Variants in DACH2 observed in about 807,000 individuals in gnomAD.
The protein encoded by DACH2 is dachshund homolog 2.
In DACH2, 17 loss-of-function variants were observed where a neutral mutation model predicts 35.8. That is an observed-to-expected ratio of 0.48 (90% CI 0.33 to 0.71). The LOEUF (loss-of-function observed/expected upper bound fraction) is 0.71. DACH2 is among the 30% of genes least tolerant of loss of function. The probability of loss-of-function intolerance (pLI) is 0.02; values close to 1 mark genes in which losing one functional copy is unlikely to be tolerated. For missense variants in DACH2, 469 were observed against 472.7 expected (o/e 0.99, Z 0.07); for synonymous variants, 195 against 177.3 (o/e 1.10, Z -0.79).
chrX:86,582,080 T>C (rs2039508398), intron 3 of DACH2, among the ~76,000 whole-genome samples: 2 of 111,797 alleles, frequency 1.8e-5, no homozygotes, highest in South Asian at 7.3e-4. Flanking sequence ...CATATTACAT[T>C]ACATTGAAAT....
chrX:86,655,046 CTG>C (rs1245706216), intron 4 of DACH2, among the ~76,000 whole-genome samples: 1 of 111,640 alleles, frequency 9.0e-6, no homozygotes, highest in East Asian at 2.8e-4. Context: ...AGACCAAAGA[CTG>C]GGCTTGATTT....
intron 3 of DACH2, among the ~76,000 whole-genome samples, chrX:86,565,318 G>A (rs1378479115): frequency 9.0e-6 from 1 of 111,186 alleles, no homozygotes; most frequent in African/African-American, 3.3e-5. Flanking sequence ...TCAAATTGCT[G>A]TTTATTTCTA....
At chrX:86,387,688 C>T (rs953219595) in intron 2 of DACH2, among the ~76,000 whole-genome samples, 5 of 111,704 alleles carry the variant, frequency 4.5e-5, no homozygotes, top group African/African-American at 1.3e-4. Flanking sequence ...CGGGACCATC[C>T]CTTTGTTTTG....
chrX:86,667,447 AAGAG>A (rs200577514), intron 4 of DACH2, among the ~76,000 whole-genome samples: 4 of 91,422 alleles, frequency 4.4e-5, no homozygotes, highest in Non-Finnish European at 8.5e-5. Context: ...AGAAAGAAGA[AAGAG>A]AAAGAAAGAA....
chrX:86,685,504 T>G (rs1490582187), intron 4 of DACH2, among the ~76,000 whole-genome samples: 1 of 112,100 alleles, frequency 8.9e-6, no homozygotes, highest in African/African-American at 3.2e-5. Context: ...TTTAAGTAAC[T>G]CCAATTTAAG....
intron 3 of DACH2, among the ~76,000 whole-genome samples, chrX:86,521,348 T>A (rs1392090962): frequency 8.9e-6 from 1 of 111,833 alleles, no homozygotes; most frequent in African/African-American, 3.2e-5. Context: ...ACTTTCATTT[T>A]GACCTTGGAA....
rs772393074 is a variant in DACH2 at position 86,392,719 on chromosome X, TA to T, written c.527+15858del. ...CAGAACAAGAAAAATAACACTTAGA[TA>T]TTGCTTACTCACCTGATTTGCTTCT... On this transcript the variant is annotated intron_variant, in intron 2 of 11. Transcript: ENST00000373125. 3.6e-5 allele frequency among the ~76,000 whole-genome samples: 4 copies of T among 112,031 alleles called. No homozygotes were observed. In the East Asian group the frequency reaches 1.1e-3, roughly 32 times the overall value.
chrX:86,458,070 T>C (rs2037506851), intron 2 of DACH2, among the ~76,000 whole-genome samples: 1 of 111,846 alleles, frequency 8.9e-6, no homozygotes, highest in Non-Finnish European at 1.9e-5. Flanking sequence ...TTTTGGGAAA[T>C]CTGATTGAGA....
In DACH2 at chrX:86,205,396, C is replaced by T. The variant is rs199538096; in HGVS notation, c.488+56288C>T. 7.8e-5 allele frequency among the ~76,000 whole-genome samples: 7 copies of T among 89,329 alleles called. No homozygotes were observed. In the East Asian group the frequency reaches 3.0e-3, roughly 38 times the overall value. The allele number at this position is 89,329 out of a possible 115,157, so 77.6% of individuals were successfully genotyped here. On this transcript the variant is annotated intron_variant, in intron 1 of 11. Transcript: ENST00000373125. ...GGGTTGAGTTCTTTCCTTCCTTCCTCCCTCCCTCCCTCCTTTCCTTCCTTC... is the reference window on the plus strand; with the variant it reads ...GGGTTGAGTTCTTTCCTTCCTTCCTTCCTCCCTCCCTCCTTTCCTTCCTTC...
intron 2 of DACH2, among the ~76,000 whole-genome samples, chrX:86,377,597 T>G (rs2035988143): frequency 9.1e-6 from 1 of 110,344 alleles, no homozygotes; most frequent in African/African-American, 3.3e-5. Context: ...CTAAAATATA[T>G]TTTGATAGTT....
chrX:86,816,235 A>G (rs181231435), intron 11 of DACH2, 136 bp downstream of exon 11: 4 of 347,373 alleles, frequency 1.2e-5, no homozygotes, highest in Non-Finnish European at 1.9e-5. Context: ...GACACTTCTT[A>G]CTTTATGACA....
intron 2 of DACH2, among the ~76,000 whole-genome samples, chrX:86,440,417 T>G (rs1174284031): frequency 9.0e-6 from 1 of 111,617 alleles, no homozygotes. Context: ...TGGAATAAAA[T>G]TAATATGGCA....
At position 86,486,446 on chromosome X, in the gene DACH2, C is replaced by T. The variant is rs754399627; in HGVS notation, c.528-27833C>T. On this transcript the variant is annotated intron_variant, in intron 2 of 11. Coordinates refer to ENST00000373125, the MANE Select transcript of DACH2 (RefSeq NM_053281.3). Reference sequence around the variant, plus strand: ...TGGTATGTTGACTTGAAAATTACATCTAGTGTGAAGTTCCAGCTTCCTTTA... The same window carrying T: ...TGGTATGTTGACTTGAAAATTACATTTAGTGTGAAGTTCCAGCTTCCTTTA... Among the ~76,000 whole-genome samples, 4 of 110,914 alleles carry T rather than the reference C, an allele frequency of 3.6e-5. No homozygotes were observed. The South Asian group carries it at 1.5e-3, about 42-fold the overall frequency.
intron 1 of DACH2, among the ~76,000 whole-genome samples, chrX:86,206,272 C>A (rs2032308707): frequency 2.1e-5 from 2 of 96,444 alleles, no homozygotes; most frequent in Admixed American, 1.0e-4. Context: ...GGGGCATAGT[C>A]CAAAAGGGGA....
chrX:86,266,504 T>C lies in DACH2; in HGVS notation c.489-110320T>C, dbSNP rs549632546. Among the ~76,000 whole-genome samples the C allele has an allele frequency of 4.5e-5, 5 of 112,209 alleles. No homozygotes were observed. In the East Asian group the frequency reaches 1.1e-3, roughly 25 times the overall value. On this transcript the variant is annotated intron_variant, in intron 1 of 11. Coordinates refer to ENST00000373125, the MANE Select transcript of DACH2 (RefSeq NM_053281.3). ...AACATTATAAGATAGTGGCAACTGA[T>C]ACTGTCAAAGTATATAGTTTTGTCT...
chrX:86,751,208 T>A, intron 7 of DACH2, among the ~76,000 whole-genome samples: 1 of 110,867 alleles, frequency 9.0e-6, no homozygotes, highest in Non-Finnish European at 1.9e-5. Context: ...TTGATAAACA[T>A]CAAGGCAAAA....
intron 3 of DACH2, among the ~76,000 whole-genome samples, chrX:86,534,146 A>G (rs1261732756): frequency 8.9e-6 from 1 of 112,071 alleles, no homozygotes; most frequent in Non-Finnish European, 1.9e-5. Flanking sequence ...TTGTCTTTGC[A>G]GTATTCCATG....
chrX:86,261,623 A>G (rs1403997880), intron 1 of DACH2, among the ~76,000 whole-genome samples: 1 of 111,750 alleles, frequency 8.9e-6, no homozygotes, highest in Non-Finnish European at 1.9e-5. Context: ...CTGGGAGTGG[A>G]AAATGAAGAG....
intron 3 of DACH2, among the ~76,000 whole-genome samples, chrX:86,542,060 G>A (rs963433786): frequency 2.7e-5 from 3 of 111,239 alleles, no homozygotes; most frequent in Non-Finnish European, 5.7e-5. Flanking sequence ...TTTTCTTACA[G>A]AGGCAGTGAT....
Sources: allele counts gnomAD v4.1 joint callset (sites outside exome capture counted in the v4.1 genomes callset), GRCh38; gene constraint gnomAD v4.1.1; transcripts MANE v1.5; gene names NCBI Gene and HGNC (gene_info 2026-07-23, HGNC 2026-07-21).